Variants in ATF7 observed in about 807,000 individuals in gnomAD.
The protein encoded by ATF7 is cyclic AMP-dependent transcription factor ATF-7.
ATF7 carries 10 observed loss-of-function variants against 50.4 expected under a neutral mutation model. The ratio of observed to expected loss-of-function variants is 0.20; its 90% CI spans 0.12 to 0.34. The LOEUF is 0.34. Ranked by LOEUF, ATF7 falls within the 10% of genes least tolerant of loss-of-function variation. The probability of loss-of-function intolerance (pLI) is 1.00; values close to 1 mark genes in which losing one functional copy is unlikely to be tolerated. For synonymous variants in ATF7, 201 were observed against 226.4 expected, an observed-to-expected ratio of 0.89 and a Z score of 1.01; for missense variants, 465 against 613.9, an observed-to-expected ratio of 0.76 and a Z score of 2.56.
Position 53,534,557 on chromosome 12 carries a change from G to C in ATF7, c.505C>G (p.Leu169Val). Residue 169 changes from leucine to valine, a missense_variant, in exon 6 of 12, where the codon CTT becomes GTT. Coordinates refer to ENST00000420353, the MANE Select transcript of ATF7 (RefSeq NM_006856.3). ...GTGATGACAGAGGTTGGGGAGGGAA[G>C]GGTTGGATGAAGTGGATCATAGCCC... is the stretch of plus-strand genomic sequence containing the variant. Reference protein sequence around the residue: ...HLGYDPLHPTLPSPTSVITQA... With the variant: ...HLGYDPLHPTVPSPTSVITQA... The C allele has an allele frequency of 3.1e-6, 5 of 1,613,918 alleles. No individual in the cohort carries two copies. Among genetic ancestry groups the C allele is most frequent in the Non-Finnish European group, 4.2e-6 (5 of 1,179,866 alleles).
At chr12:53,572,690 T>C (rs947865754) in intron 2 of ATF7, among the ~76,000 whole-genome samples, 1 of 152,146 alleles carries the variant, frequency 6.6e-6, no homozygotes, top group African/African-American at 2.4e-5. Flanking sequence ...CTCACACCTA[T>C]AATTCCAGCA....
intron 1 of ATF7, among the ~76,000 whole-genome samples, chr12:53,611,737 T>C (rs1219642638): frequency 6.6e-6 from 1 of 151,998 alleles, no homozygotes; most frequent in Non-Finnish European, 1.5e-5. Flanking sequence ...ATTACAGGCA[T>C]GTGCCACCAT....
chr12:53,533,478 T>G (rs1488705941), intron 6 of ATF7, among the ~76,000 whole-genome samples: 1 of 152,170 alleles, frequency 6.6e-6, no homozygotes, highest in Non-Finnish European at 1.5e-5. Flanking sequence ...ACTTTGCAAA[T>G]TAAGCAAACT....
In ATF7 at chr12:53,598,677, G is replaced by A. The variant is rs922440003; in HGVS notation, c.48+2276C>T. On this transcript the variant is annotated intron_variant, in intron 2 of 11. Transcript: ENST00000420353. ...TCTGTGACATTTCACAAATTTCAGT[G>A]GATACTACTCTTTTCTGATAAGACA... is the stretch of plus-strand genomic sequence containing the variant. 6.6e-5 allele frequency among the ~76,000 whole-genome samples: 10 copies of A among 152,098 alleles called. 1 individual carries two copies. Among genetic ancestry groups the A allele is most frequent in the Admixed American group, 6.5e-4 (10 of 15,270 alleles).
chr12:53,607,191 T>C lies in ATF7; in HGVS notation c.-21-6170A>G, dbSNP rs190264469. Among the ~76,000 whole-genome samples the C allele has an allele frequency of 2.0e-3, 299 of 152,318 alleles. 1 individual carries two copies. Among genetic ancestry groups the C allele is most frequent in the African/African-American group, 7.1e-3 (294 of 41,574 alleles). On this transcript the variant is annotated intron_variant, in intron 1 of 11. Coordinates refer to ENST00000420353, the MANE Select transcript of ATF7 (RefSeq NM_006856.3). The stretch of plus-strand genomic sequence containing the variant: ...TACAGTCCCACCAACAGTGTAAAAG[T>C]GTTCCTATTTCTCCACATCCTTTCC...
At chr12:53,547,107 C>A (rs1228286985) in intron 3 of ATF7, among the ~76,000 whole-genome samples, 2 of 150,726 alleles carry the variant, frequency 1.3e-5, no homozygotes, top group Non-Finnish European at 3.0e-5. Flanking sequence ...GCCTCAGCCT[C>A]CCGAGTAGCT....
rs912514286 is a variant in ATF7 at position 53,620,435 on chromosome 12, G to A, written c.-22+5844C>T. ...ACTAAAAATACAAAAAATTAGCCGG[G>A]CGTAGTGGCGGGCGCCTGTAGTCCC... On this transcript the variant is annotated intron_variant, in intron 1 of 11. Coordinates refer to ENST00000420353, the MANE Select transcript of ATF7 (RefSeq NM_006856.3). 2.0e-5 allele frequency among the ~76,000 whole-genome samples: 3 copies of A among 151,268 alleles called. No individual in the cohort carries two copies. In the East Asian group the frequency reaches 5.8e-4, roughly 29 times the overall value.
At chr12:53,543,224 C>T (rs1939680937) in intron 4 of ATF7, 106 bp downstream of exon 4, 1 of 1,550,476 alleles carries the variant, frequency 6.4e-7, no homozygotes, top group Non-Finnish European at 8.7e-7. Flanking sequence ...CTCTACTAAG[C>T]CCATGATTTT....
chr12:53,548,037 AT>A (rs34468866), intron 3 of ATF7, among the ~76,000 whole-genome samples: 63,953 of 151,276 alleles, frequency 0.42, 13,939 homozygotes, highest in East Asian at 0.74. Context: ...ATGCCTAGCT[AT>A]TTTTTTTGGT....
chr12:53,566,055 A>C (rs899719031), intron 2 of ATF7, among the ~76,000 whole-genome samples: 3 of 152,186 alleles, frequency 2.0e-5, no homozygotes, highest in Non-Finnish European at 4.4e-5. Context: ...CATCAGATCT[A>C]GTGAGATTTA....
intron 3 of ATF7, among the ~76,000 whole-genome samples, chr12:53,548,126 C>A (rs1565941990): frequency 6.6e-6 from 1 of 152,036 alleles, no homozygotes; most frequent in Non-Finnish European, 1.5e-5. Context: ...CTCTGCTTCC[C>A]CAAATGCTGG....
At position 53,524,841 on chromosome 12, in the gene ATF7, G is replaced by C; in HGVS notation, c.928-80C>G. 1 of 1,254,938 alleles carries C rather than the reference G, an allele frequency of 8.0e-7. No individual in the cohort carries two copies. Among genetic ancestry groups the C allele is most frequent in the South Asian group, 1.5e-5 (1 of 64,810 alleles). 77.7% of individuals were successfully genotyped at this position (1,254,938 alleles called of 1,614,324 possible). A position where few individuals can be genotyped will look rare whatever the true frequency, so the allele number is the denominator to read the frequency against. On this transcript the variant is annotated intron_variant, in intron 9 of 11. Coordinates refer to ENST00000420353, the MANE Select transcript of ATF7 (RefSeq NM_006856.3). The surrounding 1 kb of genome is among the most constrained non-coding windows in gnomAD (Gnocchi z 4.6). ...ATCACACCTGATGTTAGGTAGAGTA[G>C]TAAGATCTGGTAAAAGGATATACCA... is the stretch of plus-strand genomic sequence containing the variant.
chr12:53,617,459 T>C (rs1944189357), intron 1 of ATF7, among the ~76,000 whole-genome samples: 1 of 152,060 alleles, frequency 6.6e-6, no homozygotes, highest in Admixed American at 6.6e-5. Flanking sequence ...TGAAACCCCG[T>C]CTCTACTAAA....
intron 6 of ATF7, among the ~76,000 whole-genome samples, chr12:53,533,726 C>CT (rs1273433300): frequency 3.9e-5 from 6 of 152,278 alleles, no homozygotes; most frequent in Middle Eastern, 3.4e-3. Flanking sequence ...ACAATAAGCT[C>CT]TAAGAATCTG....
At chr12:53,540,144 A>G (rs1447462414) in intron 4 of ATF7, among the ~76,000 whole-genome samples, 1 of 151,826 alleles carries the variant, frequency 6.6e-6, no homozygotes, top group Non-Finnish European at 1.5e-5. Context: ...TGAGGTCAAG[A>G]GTTCGAGACC....
intron 1 of ATF7, among the ~76,000 whole-genome samples, chr12:53,610,744 G>A (rs568648322): frequency 5.9e-5 from 9 of 151,940 alleles, no homozygotes; most frequent in South Asian, 2.1e-4. Context: ...TAAATGTCCC[G>A]AAACATGAAT....
intron 5 of ATF7, among the ~76,000 whole-genome samples, chr12:53,535,916 G>A (rs780378850): frequency 2.8e-4 from 42 of 151,700 alleles, no homozygotes; most frequent in Admixed American, 5.2e-4. Context: ...ACTTTGGGAG[G>A]CTGAAGCAAG....
intron 9 of ATF7, among the ~76,000 whole-genome samples, chr12:53,527,424 A>G (rs374654909): frequency 1.3e-5 from 2 of 151,880 alleles, no homozygotes; most frequent in African/African-American, 4.8e-5. Flanking sequence ...TGAGGCTGCA[A>G]GTGAGCCATG....
intron 2 of ATF7, among the ~76,000 whole-genome samples, chr12:53,570,940 A>G (rs778678933): frequency 6.6e-6 from 1 of 152,100 alleles, no homozygotes; most frequent in African/African-American, 2.4e-5. Context: ...TAAAAATTCA[A>G]TTCAATCCAT....
Sources: allele counts gnomAD v4.1 joint callset (sites outside exome capture counted in the v4.1 genomes callset), GRCh38; gene constraint gnomAD v4.1.1; non-coding constraint Gnocchi (gnomAD v3.1); transcripts MANE v1.5; gene names NCBI Gene and HGNC (gene_info 2026-07-23, HGNC 2026-07-21).